NCOA7: variants seen among roughly 807,000 people sequenced by gnomAD.
NCOA7 encodes nuclear receptor coactivator 7.
Under a neutral mutation model 104.3 loss-of-function variants are expected in NCOA7, and 45 were observed. That is an observed-to-expected ratio of 0.43 (90% CI 0.34 to 0.55). NCOA7 has a LOEUF of 0.55. Ranked by LOEUF, NCOA7 falls within the 20% of genes least tolerant of loss-of-function variation. The pLI is 0.02. For missense variants in NCOA7, 1,041 were observed against 1,119.7 expected (o/e 0.93, Z 1.00); for synonymous variants, 398 against 402.3 (o/e 0.99, Z 0.13).
At chr6:125,858,298 G>C (rs1291467482) in intron 3 of NCOA7, among the ~76,000 whole-genome samples, 1 of 152,122 alleles carries the variant, frequency 6.6e-6, no homozygotes, top group South Asian at 2.1e-4. Context: ...ATAGATAATA[G>C]TGTAGTCATT....
chr6:125,842,898 AT>A (rs34702691), intron 2 of NCOA7, among the ~76,000 whole-genome samples: 1 of 152,136 alleles, frequency 6.6e-6, no homozygotes, highest in East Asian at 1.9e-4. Context: ...CCAGTAGTGA[AT>A]TTTTTCAAGT....
intron 10 of NCOA7, among the ~76,000 whole-genome samples, chr6:125,910,629 C>T (rs1157195383): frequency 6.6e-6 from 1 of 152,184 alleles, no homozygotes; most frequent in Non-Finnish European, 1.5e-5. Context: ...AATATAATCC[C>T]TATACAGCAG....
At chr6:125,789,509 A>C (rs1425968516), upstream of NCOA7, among the ~76,000 whole-genome samples, 1 of 152,214 alleles carries the variant, frequency 6.6e-6, no homozygotes, top group African/African-American at 2.4e-5. Flanking sequence ...CCTTTGATAC[A>C]ATGCAATCAG....
chr6:125,894,767 A>G (rs1287087535), intron 10 of NCOA7, among the ~76,000 whole-genome samples: 3 of 150,436 alleles, frequency 2.0e-5, no homozygotes, highest in Non-Finnish European at 4.4e-5. Context: ...AGCAAGCTGT[A>G]CTTTTTTTTT....
chr6:125,837,933 C>T (rs186911324), intron 2 of NCOA7, among the ~76,000 whole-genome samples: 3 of 152,212 alleles, frequency 2.0e-5, no homozygotes, highest in East Asian at 1.9e-4. Context: ...ACTTCATGGT[C>T]GGTGTTAAAA....
At position 125,931,487 on chromosome 6, in the gene NCOA7, T is replaced by C. The variant is rs17292488; in HGVS notation, c.*2716T>C. 0.68 allele frequency: 102,908 copies of C among 152,018 alleles called. 34,971 individuals carry two copies. Among genetic ancestry groups the C allele is most frequent in the East Asian group, 0.77 (3,967 of 5,162 alleles). The allele number at this position is 152,018 out of a possible 1,614,324, so 9.4% of individuals were successfully genotyped here. ...ATCCTGACACCTAGCCCCTAGATGT[T>C]GGGCTAGATGAAGACCCCAAGCAGT... On this transcript the variant is annotated 3_prime_UTR_variant, in exon 16 of 16. Transcript: ENST00000392477.
At chr6:125,926,080 G>A (rs145389661) in intron 13 of NCOA7, among the ~76,000 whole-genome samples, 2 of 152,256 alleles carry the variant, frequency 1.3e-5, no homozygotes, top group East Asian at 3.9e-4. Context: ...GTAGGCCGAG[G>A]CAGGTGGATC....
chr6:125,848,549 G>C (rs111408865), intron 2 of NCOA7, among the ~76,000 whole-genome samples: 11,617 of 152,022 alleles, frequency 0.076, 493 homozygotes, highest in Non-Finnish European at 0.095. Context: ...CTATCACAAG[G>C]ACAGAAAACC....
At chr6:125,788,288 C>T (rs886905796), upstream of NCOA7, among the ~76,000 whole-genome samples, 3 of 152,190 alleles carry the variant, frequency 2.0e-5, no homozygotes, top group Non-Finnish European at 4.4e-5. Flanking sequence ...CTGGACAACA[C>T]ATGCAAGGAA....
At chr6:125,870,834 C>T (rs1012902314) in intron 3 of NCOA7, among the ~76,000 whole-genome samples, 1 of 152,104 alleles carries the variant, frequency 6.6e-6, no homozygotes, top group South Asian at 2.1e-4. Flanking sequence ...GACTTATGGA[C>T]AGGGCACCAA....
chr6:125,885,307 A>G lies in NCOA7; in HGVS notation c.848A>G (p.Asp283Gly). ...EEVVSIALYN[D>G]ISHMKIKDAL... ...GTTGTTTCCATTGCGCTCTACAATG[A>G]CATTTCTCACATGAAGATCAAAGAT... The change falls in exon 8 of 16, where the codon GAC becomes GGC. Residue 283 changes from aspartate (D) to glycine (G), a missense_variant. Asp to Gly is a moderately conservative substitution (Grantham distance 94). Around this residue, in one of 2 missense-constraint regions of NCOA7, gnomAD observed 914 missense variants for 942.7 expected, o/e 0.97. Coordinates refer to ENST00000392477, the MANE Select transcript of NCOA7 (RefSeq NM_181782.5). 1 of 1,613,894 alleles carries G rather than the reference A, an allele frequency of 6.2e-7. No homozygotes were observed. Among genetic ancestry groups the G allele is most frequent in the Non-Finnish European group, 8.5e-7 (1 of 1,179,870 alleles).
intron 2 of NCOA7, among the ~76,000 whole-genome samples, chr6:125,845,464 A>G (rs1780520837): frequency 6.6e-6 from 1 of 152,218 alleles, no homozygotes; most frequent in Non-Finnish European, 1.5e-5. Context: ...CAACACCACC[A>G]CATTACATAC....
At chr6:125,925,894 A>G (rs868860904) in intron 13 of NCOA7, among the ~76,000 whole-genome samples, 11 of 152,238 alleles carry the variant, frequency 7.2e-5, no homozygotes, top group African/African-American at 2.4e-4. Context: ...TTTTAAATAC[A>G]TTAATAGAAA....
chr6:125,806,117 G>A (rs1468207180), intron 1 of NCOA7, among the ~76,000 whole-genome samples: 1 of 152,174 alleles, frequency 6.6e-6, no homozygotes, highest in African/African-American at 2.4e-5. Context: ...GAGGTGGGCA[G>A]ATCACCTGAA....
chr6:125,810,941 T>C (rs1378417885), intron 1 of NCOA7, among the ~76,000 whole-genome samples: 1 of 152,232 alleles, frequency 6.6e-6, no homozygotes, highest in African/African-American at 2.4e-5. Context: ...AATCTTTTTC[T>C]CTTGTGCATA....
intron 2 of NCOA7, among the ~76,000 whole-genome samples, chr6:125,832,015 A>G (rs1187610911): frequency 2.0e-5 from 3 of 152,276 alleles, no homozygotes; most frequent in Admixed American, 6.5e-5. Flanking sequence ...GAGTTGACAG[A>G]ATTTGTTTCG....
chr6:125,885,270 C>T lies in NCOA7; in HGVS notation c.811C>T (p.Pro271Ser), dbSNP rs535307523. The change falls in exon 8 of 16, where the codon CCC becomes TCC. Residue 271 changes from proline (P) to serine (S), a missense_variant. By Grantham distance (74) the Pro-to-Ser change is moderately conservative. This residue lies in a region of NCOA7 where 914 missense variants were observed against 942.7 expected (regional missense o/e 0.97). Transcript: ENST00000392477. ...NGCEEYGLIC[P>S]MEEVVSIALY... ...GTGTGAGGAGTATGGTCTCATCTGCCCCATGGAAGAGGTTGTTTCCATTGC... is the reference window on the plus strand; with the variant it reads ...GTGTGAGGAGTATGGTCTCATCTGCTCCATGGAAGAGGTTGTTTCCATTGC... 3.5e-5 allele frequency: 57 copies of T among 1,613,940 alleles called. No homozygotes were observed. The East Asian group carries it at 8.2e-4, about 23-fold the overall frequency.
intron 6 of NCOA7, 102 bp downstream of exon 6, chr6:125,881,305 C>T (rs1333380376): frequency 1.2e-6 from 1 of 864,162 alleles, no homozygotes; most frequent in Non-Finnish European, 1.9e-6. Flanking sequence ...TGAAATTCTC[C>T]CTAGATGGTT....
In NCOA7 at chr6:125,889,031, A is replaced by G. The variant is rs757975016; in HGVS notation, c.977A>G (p.Lys326Arg). ...EKDINPFSKF[K>R]SINKEKRQQN... Reference sequence around the variant, plus strand: ...GATATCAACCCATTCAGTAAGTTCAAATCTATCAACAAGGAAAAACGACAG... The same window carrying G: ...GATATCAACCCATTCAGTAAGTTCAGATCTATCAACAAGGAAAAACGACAG... Residue 326 changes from lysine to arginine, a missense_variant, in exon 9 of 16, where the codon AAA becomes AGA. Lys to Arg is a conservative substitution (Grantham distance 26). This residue lies in a region of NCOA7 where 914 missense variants were observed against 942.7 expected (regional missense o/e 0.97). Coordinates refer to ENST00000392477, the MANE Select transcript of NCOA7 (RefSeq NM_181782.5). The G allele has an allele frequency of 1.2e-6, 2 of 1,614,128 alleles. No homozygotes were observed. The highest frequency in any genetic ancestry group is 1.1e-5 in the South Asian group (1 of 91,088).
Sources: allele counts gnomAD v4.1 joint callset (sites outside exome capture counted in the v4.1 genomes callset), GRCh38; gene constraint gnomAD v4.1.1; regional missense constraint gnomAD v4.1.1; transcripts MANE v1.5; gene names NCBI Gene and HGNC (gene_info 2026-07-23, HGNC 2026-07-21).